The following VAV3 variants were observed in gnomAD, a reference collection of about 807,000 sequenced individuals.
The protein encoded by VAV3 is guanine nucleotide exchange factor VAV3.
Under a neutral mutation model 131.2 loss-of-function variants are expected in VAV3, and 94 were observed. The observed-to-expected ratio is 0.72, with a 90% confidence interval of 0.61 to 0.85. The LOEUF (loss-of-function observed/expected upper bound fraction) is 0.85. Among genes scored for constraint, VAV3 ranks in the 40% least tolerant of loss-of-function variants. VAV3 has a pLI of 0.00. For synonymous variants in VAV3, 349 were observed against 342.0 expected (o/e 1.02, Z -0.22); for missense variants, 939 against 1,002.7 (o/e 0.94, Z 0.86).
Position 107,612,194 on chromosome 1 carries a change from AT to A in VAV3, c.1981-2230del, listed in dbSNP as rs1440616441. Among the ~76,000 whole-genome samples the A allele has an allele frequency of 6.6e-5, 10 of 150,526 alleles. No homozygotes were observed. In the East Asian group the frequency reaches 7.7e-4, roughly 12 times the overall value. On this transcript the variant is annotated intron_variant, in intron 21 of 26. Transcript: ENST00000370056. The stretch of plus-strand genomic sequence containing the variant: ...TATTTATATTGGTCTATATATATAT[AT>A]ATAAATAAATATATATGTGTCTATT...
chr1:107,935,507 A>C (rs980281720), intron 1 of VAV3, among the ~76,000 whole-genome samples: 8 of 152,216 alleles, frequency 5.3e-5, no homozygotes, highest in African/African-American at 1.7e-4. Context: ...GCCAGGTCTG[A>C]CAAATACACA....
intron 2 of VAV3, among the ~76,000 whole-genome samples, chr1:107,831,687 G>A (rs984121679): frequency 6.6e-6 from 1 of 152,182 alleles, no homozygotes; most frequent in Non-Finnish European, 1.5e-5. Context: ...CAATGAGAAT[G>A]TACACTTGTT....
chr1:107,795,945 C>T (rs567809978), intron 2 of VAV3, among the ~76,000 whole-genome samples: 1 of 152,196 alleles, frequency 6.6e-6, no homozygotes, highest in East Asian at 1.9e-4. Context: ...CACCTCATTG[C>T]TAACGCCCAT....
At chr1:107,623,293 T>C (rs1653740831) in intron 20 of VAV3, among the ~76,000 whole-genome samples, 2 of 152,222 alleles carry the variant, frequency 1.3e-5, no homozygotes, top group African/African-American at 4.8e-5. Flanking sequence ...AGAATTAATA[T>C]GCATGAAAGT....
chr1:107,621,212 G>C (rs1322527831), intron 20 of VAV3, among the ~76,000 whole-genome samples: 2 of 152,098 alleles, frequency 1.3e-5, no homozygotes, highest in Non-Finnish European at 2.9e-5. Context: ...TGCCCTAGCA[G>C]TTCAGGTCCC....
At chr1:107,813,185 T>C (rs751663886) in intron 2 of VAV3, among the ~76,000 whole-genome samples, 4 of 151,238 alleles carry the variant, frequency 2.6e-5, no homozygotes, top group Non-Finnish European at 4.4e-5. Context: ...GAAATGCATA[T>C]TACAAATAAT....
chr1:107,937,916 C>T (rs1283500116), intron 1 of VAV3, among the ~76,000 whole-genome samples: 1 of 152,116 alleles, frequency 6.6e-6, no homozygotes, highest in Non-Finnish European at 1.5e-5. Context: ...ATAAATAAGG[C>T]TCTTGTGATC....
intron 11 of VAV3, 36 bp from the exon 12 acceptor site, chr1:107,755,549 C>A (rs758884295): frequency 1.3e-6 from 2 of 1,494,298 alleles, no homozygotes; most frequent in Non-Finnish European, 1.9e-6. Flanking sequence ...AAAGAAGGCA[C>A]ACTAAGATTA....
chr1:107,598,356 C>T (rs768273235), intron 24 of VAV3, among the ~76,000 whole-genome samples: 18 of 127,370 alleles, frequency 1.4e-4, no homozygotes, highest in Non-Finnish European at 2.5e-4. Context: ...AACTCTGTCT[C>T]AAAACAAAAC....
At chr1:107,858,616 C>T (rs970559544) in intron 2 of VAV3, among the ~76,000 whole-genome samples, 13 of 152,106 alleles carry the variant, frequency 8.5e-5, no homozygotes, top group African/African-American at 3.1e-4. Flanking sequence ...AGCGAGGGAA[C>T]TAGGTTGTGC....
chr1:107,837,151 T>C (rs1668514893), intron 2 of VAV3, among the ~76,000 whole-genome samples: 1 of 151,698 alleles, frequency 6.6e-6, no homozygotes. Context: ...CCCTGATGAA[T>C]ATAGATGCAG....
chr1:107,601,240 G>A (rs1445755879), intron 24 of VAV3, among the ~76,000 whole-genome samples: 2 of 152,144 alleles, frequency 1.3e-5, no homozygotes, highest in East Asian at 3.9e-4. Flanking sequence ...AAATTTGACA[G>A]AGTTTACATT....
intron 3 of VAV3, among the ~76,000 whole-genome samples, 196 bp downstream of exon 3, chr1:107,779,238 G>A (rs756895050): frequency 1.3e-5 from 2 of 151,252 alleles, no homozygotes; most frequent in Non-Finnish European, 2.9e-5. Context: ...TTTAGCCAAT[G>A]TGTTATTCAA....
intron 4 of VAV3, among the ~76,000 whole-genome samples, chr1:107,773,294 T>C (rs1665156035): frequency 6.6e-6 from 1 of 152,240 alleles, no homozygotes; most frequent in African/African-American, 2.4e-5. Context: ...TCTATCATAC[T>C]GCCTCCCACT....
rs968296078 is a variant in VAV3 at position 107,662,463 on chromosome 1, T to C, written c.1778-19708A>G. On this transcript the variant is annotated intron_variant, in intron 19 of 26. Coordinates refer to ENST00000370056, the MANE Select transcript of VAV3 (RefSeq NM_006113.5). The stretch of plus-strand genomic sequence containing the variant: ...AATAATGTCACAGGGATATAAGTTA[T>C]CTCTCTCACACACACACACAGTGCA... Among the ~76,000 whole-genome samples, 3 of 152,300 alleles carry C rather than the reference T, an allele frequency of 2.0e-5. No individual in the cohort carries two copies. In the South Asian group the frequency reaches 6.2e-4, roughly 32 times the overall value.
At chr1:107,736,935 C>T (rs1204236996) in intron 15 of VAV3, among the ~76,000 whole-genome samples, 2 of 152,174 alleles carry the variant, frequency 1.3e-5, no homozygotes, top group African/African-American at 2.4e-5. Context: ...GGAGGCATCA[C>T]GCTAGCTGAC....
chr1:107,752,165 A>AGAG (rs560980418), intron 12 of VAV3, among the ~76,000 whole-genome samples: 67 of 152,352 alleles, frequency 4.4e-4, no homozygotes, highest in African/African-American at 1.5e-3. Flanking sequence ...ACAGAATAGT[A>AGAG]GAGAGCCCAG....
At chr1:107,954,819 G>A (rs561641939) in intron 1 of VAV3, among the ~76,000 whole-genome samples, 13 of 151,360 alleles carry the variant, frequency 8.6e-5, no homozygotes, top group African/African-American at 2.7e-4. Context: ...CAGATAGGCC[G>A]ATAGCCTCGC....
At chr1:107,932,424 T>C (rs1164883222) in intron 1 of VAV3, among the ~76,000 whole-genome samples, 1 of 124,836 alleles carries the variant, frequency 8.0e-6, no homozygotes, top group Non-Finnish European at 1.7e-5. Context: ...TGCAGAAACA[T>C]GTGAGACTTC....
Sources: gnomAD v4.1 joint callset for allele counts (sites outside exome capture counted in the v4.1 genomes callset) on GRCh38, gnomAD v4.1.1 for gene constraint, MANE v1.5 for transcripts, NCBI Gene and HGNC (gene_info 2026-07-23, HGNC 2026-07-21) for gene names.